ZC2HC1A: variants seen among roughly 807,000 people sequenced by gnomAD.
The protein encoded by ZC2HC1A is zinc finger C2HC-type containing 1A.
Under a neutral mutation model 40.7 loss-of-function variants are expected in ZC2HC1A, and 28 were observed. That is an observed-to-expected ratio of 0.69 (90% CI 0.51 to 0.94). ZC2HC1A has a LOEUF of 0.94. Among genes scored for constraint, ZC2HC1A ranks in the 40% least tolerant of loss-of-function variants. The pLI is 0.00. For synonymous variants in ZC2HC1A, 129 were observed against 129.2 expected (o/e 1.00, Z 0.01); for missense variants, 389 against 386.3 (o/e 1.01, Z -0.06).
At chr8:78,693,319 A>C (rs948020552) in intron 5 of ZC2HC1A, among the ~76,000 whole-genome samples, 2 of 151,234 alleles carry the variant, frequency 1.3e-5, no homozygotes, top group African/African-American at 4.8e-5. Context: ...TGACTTCCAC[A>C]ATGGTTGAAC....
At position 78,717,503 on chromosome 8, in the gene ZC2HC1A, CAAAA is replaced by C; in HGVS notation, c.*21_*24del. 4.0e-6 allele frequency: 5 copies of C among 1,256,592 alleles called. No homozygotes were observed. The highest frequency in any genetic ancestry group is 2.0e-5 in the South Asian group (1 of 49,006). The allele number at this position is 1,256,592 out of a possible 1,614,324, so 77.8% of individuals were successfully genotyped here. A position where few individuals can be genotyped will look rare whatever the true frequency, so the allele number is the denominator to read the frequency against. On this transcript the variant is annotated 3_prime_UTR_variant, in exon 9 of 9. Coordinates refer to ENST00000263849, the MANE Select transcript of ZC2HC1A (RefSeq NM_016010.3). ...AAGAATGATTCTATGAATAGAATCT[CAAAA>C]AAAAAAAAAAGCCAAGTTCAGAGTT...
At chr8:78,705,561 G>A (rs1379235803) in intron 7 of ZC2HC1A, among the ~76,000 whole-genome samples, 1 of 152,170 alleles carries the variant, frequency 6.6e-6, no homozygotes, top group Non-Finnish European at 1.5e-5. Flanking sequence ...GAATGGGACT[G>A]GGAACCTGCT....
At chr8:78,702,066 T>A (rs1011284938) in intron 7 of ZC2HC1A, among the ~76,000 whole-genome samples, 3 of 152,184 alleles carry the variant, frequency 2.0e-5, no homozygotes, top group African/African-American at 7.2e-5. Context: ...TCTTTGTGCA[T>A]CTAGTAGAAT....
At chr8:78,711,969 C>T (rs1326150505) in intron 7 of ZC2HC1A, 1 of 1,272,000 alleles carries the variant, frequency 7.9e-7, no homozygotes, top group East Asian at 5.6e-5. Flanking sequence ...CTTATGGGTA[C>T]ACCTTTATAT....
At position 78,707,103 on chromosome 8, in the gene ZC2HC1A, A is replaced by G. The variant is rs976717208; in HGVS notation, c.705-8118A>G. Among the ~76,000 whole-genome samples the G allele has an allele frequency of 1.2e-4, 18 of 152,326 alleles. 1 individual carries two copies. Among genetic ancestry groups the G allele is most frequent in the Admixed American group, 1.0e-3 (16 of 15,304 alleles). ...GGATGATTAAGTGAAGTATAGACAT[A>G]GCAATATGTGCTTTAATTTTACAAA... On this transcript the variant is annotated intron_variant, in intron 7 of 8. Coordinates refer to ENST00000263849, the MANE Select transcript of ZC2HC1A (RefSeq NM_016010.3).
chr8:78,702,712 A>G (rs1301779259), intron 7 of ZC2HC1A, among the ~76,000 whole-genome samples: 1 of 151,288 alleles, frequency 6.6e-6, no homozygotes, highest in Non-Finnish European at 1.5e-5. Context: ...TAATTTCATT[A>G]TTTATCCAAA....
intron 4 of ZC2HC1A, among the ~76,000 whole-genome samples, chr8:78,687,456 A>G (rs1334831330): frequency 2.1e-5 from 3 of 146,280 alleles, no homozygotes; most frequent in African/African-American, 7.4e-5. Context: ...GACTATATAT[A>G]CATAATTATA....
At chr8:78,671,845 T>C (rs1228174079) in intron 1 of ZC2HC1A, among the ~76,000 whole-genome samples, 1 of 152,152 alleles carries the variant, frequency 6.6e-6, no homozygotes, top group Admixed American at 6.5e-5. Context: ...TTAATCATTC[T>C]TATATATAAA....
At chr8:78,686,218 T>A (rs10092335) in intron 3 of ZC2HC1A, among the ~76,000 whole-genome samples, 104,246 of 151,976 alleles carry the variant, frequency 0.69, 36,587 homozygotes, top group East Asian at 0.91. Context: ...GATAAATAGA[T>A]GTAACACCTA....
chr8:78,717,244 T>C (rs1476348375), intron 8 of ZC2HC1A, 84 bp from the exon 9 acceptor site: 1 of 1,262,418 alleles, frequency 7.9e-7, no homozygotes, highest in South Asian at 2.0e-5. Context: ...CTAATTGTTA[T>C]ATTTATGTCC....
intron 7 of ZC2HC1A, among the ~76,000 whole-genome samples, chr8:78,698,950 A>G (rs1391199294): frequency 6.6e-6 from 1 of 152,180 alleles, no homozygotes; most frequent in Non-Finnish European, 1.5e-5. Context: ...AGTTAGACGC[A>G]ATATATAAAT....
chr8:78,686,893 C>T (rs1215058432), intron 4 of ZC2HC1A, among the ~76,000 whole-genome samples: 1 of 151,828 alleles, frequency 6.6e-6, no homozygotes, highest in Non-Finnish European at 1.5e-5. Context: ...TGTGAGTATT[C>T]CAGGAAATAT....
chr8:78,697,774 G>A (rs1046720734), intron 6 of ZC2HC1A, among the ~76,000 whole-genome samples: 2 of 151,538 alleles, frequency 1.3e-5, no homozygotes, highest in African/African-American at 4.9e-5. Flanking sequence ...CGCCTCCCAG[G>A]TTCAAATGAT....
chr8:78,716,248 G>A (rs184500328), intron 8 of ZC2HC1A, among the ~76,000 whole-genome samples: 2,057 of 150,978 alleles, frequency 0.014, 28 homozygotes, highest in Non-Finnish European at 0.02. Flanking sequence ...TCAGCCTCCC[G>A]AGTAGCTGGG....
intron 1 of ZC2HC1A, among the ~76,000 whole-genome samples, chr8:78,668,462 T>G (rs944550220): frequency 1.3e-5 from 2 of 152,156 alleles, no homozygotes; most frequent in Admixed American, 1.3e-4. Context: ...TACCAGACAT[T>G]AATCTTGGCT....
intron 3 of ZC2HC1A, among the ~76,000 whole-genome samples, chr8:78,682,122 A>T (rs547892453): frequency 6.6e-6 from 1 of 152,240 alleles, no homozygotes; most frequent in South Asian, 2.1e-4. Context: ...TAGTAGGAAT[A>T]GTTGGGTATC....
At chr8:78,668,840 T>G (rs1360039551) in intron 1 of ZC2HC1A, among the ~76,000 whole-genome samples, 2 of 152,182 alleles carry the variant, frequency 1.3e-5, no homozygotes, top group Non-Finnish European at 2.9e-5. Flanking sequence ...GCTTTTTTTA[T>G]TTGTAAAATG....
intron 2 of ZC2HC1A, among the ~76,000 whole-genome samples, chr8:78,678,189 A>C (rs781103285): frequency 3.9e-5 from 6 of 152,226 alleles, no homozygotes; most frequent in East Asian, 3.9e-4. Flanking sequence ...TGCCTTAACT[A>C]TCTGGGAATG....
chr8:78,704,861 T>A (rs1264067981), intron 7 of ZC2HC1A, among the ~76,000 whole-genome samples: 3 of 152,224 alleles, frequency 2.0e-5, no homozygotes, highest in Non-Finnish European at 4.4e-5. Context: ...CTTCAAGCTC[T>A]GAGATTTGTT....
Sources: gnomAD v4.1 joint callset for allele counts (sites outside exome capture counted in the v4.1 genomes callset) on GRCh38, gnomAD v4.1.1 for gene constraint, MANE v1.5 for transcripts, NCBI Gene and HGNC (gene_info 2026-07-23, HGNC 2026-07-21) for gene names.